The following TSPAN17 variants were observed in gnomAD, a reference collection of about 807,000 sequenced individuals.
TSPAN17 encodes the protein tetraspanin-17.
Under a neutral mutation model 40.5 loss-of-function variants are expected in TSPAN17, and 33 were observed. The ratio of observed to expected loss-of-function variants is 0.81; its 90% CI spans 0.62 to 1.09. The LOEUF (loss-of-function observed/expected upper bound fraction) is 1.09, where lower values mean the gene tolerates loss of function less well. Ranked by LOEUF, TSPAN17 falls within the 50% of genes least tolerant of loss-of-function variation. TSPAN17 has a pLI of 0.00. For synonymous variants in TSPAN17, 166 were observed against 169.4 expected, an observed-to-expected ratio of 0.98 and a Z score of 0.15; for missense variants, 365 against 416.8, an observed-to-expected ratio of 0.88 and a Z score of 1.08.
chr5:176,651,892 C>G lies in TSPAN17; in HGVS notation c.277C>G (p.Leu93Val). 1 of 1,614,002 alleles carries G rather than the reference C, an allele frequency of 6.2e-7. No individual in the cohort carries two copies. Among genetic ancestry groups the G allele is most frequent in the Admixed American group, 1.7e-5 (1 of 60,022 alleles). The stretch of plus-strand genomic sequence containing the variant: ...GGCCCTCCGGGAGAACACCTTCCTG[C>G]TCAAGTTTGTGAGTGCTGCCCTCAA... Reference protein sequence around the residue: ...IGALRENTFLLKFFSVFLGLI... With the variant: ...IGALRENTFLVKFFSVFLGLI... The change falls in exon 3 of 9, where the codon CTC becomes GTC. Residue 93 changes from leucine to valine, a missense_variant. Coordinates refer to ENST00000508164, the MANE Select transcript of TSPAN17 (RefSeq NM_130465.5). The surrounding 1 kb of genome is among the most constrained non-coding windows in gnomAD (Gnocchi z 4.5).
chr5:176,651,562 G>C lies in TSPAN17; in HGVS notation c.88-54G>C. 6.4e-7 allele frequency: 1 copy of C among 1,559,766 alleles called. No individual in the cohort carries two copies. The highest frequency in any genetic ancestry group is 8.7e-7 in the Non-Finnish European group (1 of 1,150,786). ...CCTGGCTACCGGGGAAGGATGAGGG[G>C]GGAGGGTCCTGGGGCTGCTCCCAGC... On this transcript the variant is annotated intron_variant, in intron 1 of 8. Coordinates refer to ENST00000508164, the MANE Select transcript of TSPAN17 (RefSeq NM_130465.5). This position sits in a 1 kb window ranked among gnomAD's most constrained non-coding sequence, Gnocchi z 4.5.
In TSPAN17 at chr5:176,657,289, G is replaced by A. The variant is rs557442582; in HGVS notation, c.810-229G>A. On this transcript the variant is annotated intron_variant, in intron 8 of 8. Coordinates refer to ENST00000508164, the MANE Select transcript of TSPAN17 (RefSeq NM_130465.5). ...TCAGAGGGTGCAGGCCAAGTGGGGT[G>A]GGAGGTGCTGTGTGGAGGGTCCCCC... 167 of 736,432 alleles carry A rather than the reference G, an allele frequency of 2.3e-4. 3 individuals are homozygous for A. In the Middle Eastern group the frequency reaches 4.7e-3, roughly 21 times the overall value. 45.6% of individuals were successfully genotyped at this position (736,432 alleles called of 1,614,324 possible).
In TSPAN17 at chr5:176,655,993, A is replaced by G. The variant is rs577128438; in HGVS notation, c.583-85A>G. ...ACGGGCCCATCTGCGTCCTCTGAGAAGGAAAAGCCACCGCACTGCCCAGGT... is the reference window on the plus strand; with the variant it reads ...ACGGGCCCATCTGCGTCCTCTGAGAGGGAAAAGCCACCGCACTGCCCAGGT... On this transcript the variant is annotated intron_variant, in intron 5 of 8. Coordinates refer to ENST00000508164, the MANE Select transcript of TSPAN17 (RefSeq NM_130465.5). The G allele has an allele frequency of 1.7e-3, 2,171 of 1,300,798 alleles. 4 individuals are homozygous for G. The highest frequency in any genetic ancestry group is 1.7e-3 in the Non-Finnish European group (1,499 of 894,404). The allele number at this position is 1,300,798 out of a possible 1,614,324, so 80.6% of individuals were successfully genotyped here.
chr5:176,657,019 G>GA, intron 8 of TSPAN17, 63 bp downstream of exon 8: 1 of 1,535,526 alleles, frequency 6.5e-7, no homozygotes, highest in Non-Finnish European at 8.9e-7. Context: ...GGGCCCCCCA[G>GA]GACCCTCCTA....
Position 176,658,488 on chromosome 5 carries a change from C to T in TSPAN17, c.*790C>T, listed in dbSNP as rs1300317834. On this transcript the variant is annotated 3_prime_UTR_variant, in exon 9 of 9. Coordinates refer to ENST00000508164, the MANE Select transcript of TSPAN17 (RefSeq NM_130465.5). ...TGTTGTATAAATGGATGAAACAGGCCCTTGAGTTGGGAGCCTGCTTCACTT... is the reference window on the plus strand; with the variant it reads ...TGTTGTATAAATGGATGAAACAGGCTCTTGAGTTGGGAGCCTGCTTCACTT... 1 of 152,214 alleles carries T rather than the reference C, an allele frequency of 6.6e-6. No homozygotes were observed. Among genetic ancestry groups the T allele is most frequent in the Non-Finnish European group, 1.5e-5 (1 of 68,050 alleles). The allele number at this position is 152,214 out of a possible 1,614,324, so 9.4% of individuals were successfully genotyped here. A position where few individuals can be genotyped will look rare whatever the true frequency, so the allele number is the denominator to read the frequency against.
chr5:176,648,428 G>A (rs571061502), intron 1 of TSPAN17, among the ~76,000 whole-genome samples: 1 of 152,336 alleles, frequency 6.6e-6, no homozygotes, highest in Admixed American at 6.5e-5. Flanking sequence ...TCCCAGGGTG[G>A]CATCTGTCCC....
Position 176,657,858 on chromosome 5 carries a change from A to G in TSPAN17, c.*160A>G. On this transcript the variant is annotated 3_prime_UTR_variant, in exon 9 of 9. Transcript: ENST00000508164. The stretch of plus-strand genomic sequence containing the variant: ...CCTAAGTGCCGCCTGACCCTTGTAC[A>G]CTAGGAGCTGGCCTCCCACCTCTGC... 2.3e-6 allele frequency: 3 copies of G among 1,329,054 alleles called. No homozygotes were observed. The highest frequency in any genetic ancestry group is 1.5e-5 in the African/African-American group (1 of 66,760). 82.3% of individuals were successfully genotyped at this position (1,329,054 alleles called of 1,614,324 possible).
rs1761024019 is a variant in TSPAN17, at chr5:176,652,889, C to A, written c.432C>A (p.Asn144Lys). The A allele has an allele frequency of 6.2e-7, 1 of 1,614,176 alleles. No homozygotes were observed. Among genetic ancestry groups the A allele is most frequent in the South Asian group, 1.1e-5 (1 of 91,084 alleles). ...ACCGGGACGACATTGACCTCCAGAA[C>A]CTCATTGACTTTGCTCAGGAATACG... ...KAYRDDIDLQNLIDFAQEYWS... is the reference protein window; with the variant it reads ...KAYRDDIDLQKLIDFAQEYWS... Residue 144 changes from asparagine to lysine, a missense_variant, in exon 4 of 9, where the codon AAC becomes AAA. Transcript: ENST00000508164.
At chr5:176,656,209 GC>G (rs1487243236) in intron 6 of TSPAN17, 84 bp downstream of exon 6, 2 of 1,440,036 alleles carry the variant, frequency 1.4e-6, no homozygotes. Context: ...CCTCTGGAAG[GC>G]CTCAGGGATT....
rs1380669659 is a variant in TSPAN17 at position 176,647,679 on chromosome 5, T to A, written c.64T>A (p.Phe22Ile). The A allele has an allele frequency of 1.2e-6, 2 of 1,601,550 alleles. No individual in the cohort carries two copies. The highest frequency in any genetic ancestry group is 1.7e-6 in the Non-Finnish European group (2 of 1,174,764). ...CGGCTGCTGCGGGAAATACTTCCTGTTTGGCTTCAACATTGTCTTCTGGGT... is the reference window on the plus strand; with the variant it reads ...CGGCTGCTGCGGGAAATACTTCCTGATTGGCTTCAACATTGTCTTCTGGGT... ...EVGCCGKYFL[F>I]GFNIVFWVLG... The change falls in exon 1 of 9, where the codon TTT becomes ATT. Residue 22 changes from phenylalanine to isoleucine, a missense_variant. Phe to Ile is a conservative substitution (Grantham distance 21). Coordinates refer to ENST00000508164, the MANE Select transcript of TSPAN17 (RefSeq NM_130465.5).
At position 176,650,045 on chromosome 5, in the gene TSPAN17, T is replaced by A. The variant is rs374987233; in HGVS notation, c.88-1571T>A. On this transcript the variant is annotated intron_variant, in intron 1 of 8. Coordinates refer to ENST00000508164, the MANE Select transcript of TSPAN17 (RefSeq NM_130465.5). This position sits in a 1 kb window ranked among gnomAD's most constrained non-coding sequence, Gnocchi z 4.0. ...ATCTGAGGTTTCCTTGTCTGCTCAC[T>A]GACTGTCCATCTCCCCTGCTGGAGT... Among the ~76,000 whole-genome samples the A allele has an allele frequency of 2.0e-5, 3 of 152,364 alleles. No individual in the cohort carries two copies. The highest frequency in any genetic ancestry group is 3.9e-4 in the East Asian group (2 of 5,186).
rs777686183 is a variant in TSPAN17, at chr5:176,655,020, G to T, written c.582G>T (p.Ala194=). Residue 194 remains alanine (A), a splice_region_variant and synonymous_variant, in exon 5 of 9, where the codon GCG becomes GCT. Coordinates refer to ENST00000508164, the MANE Select transcript of TSPAN17 (RefSeq NM_130465.5). ...VPFSCCVRDP[A]EDVLNTQCGY... is the part of the protein sequence containing the mutation. ...TCTCCTGCTGCGTCAGGGACCCTGCGGTGAGTGGGGCTGGGGGAGGAGAGG... is the reference window on the plus strand; with the variant it reads ...TCTCCTGCTGCGTCAGGGACCCTGCTGTGAGTGGGGCTGGGGGAGGAGAGG... The T allele has an allele frequency of 5.0e-6, 8 of 1,602,170 alleles. No homozygotes were observed. The highest frequency in any genetic ancestry group is 1.7e-5 in the Admixed American group (1 of 58,380).
At position 176,650,941 on chromosome 5, in the gene TSPAN17, C is replaced by G. The variant is rs1040227999; in HGVS notation, c.88-675C>G. Among the ~76,000 whole-genome samples the G allele has an allele frequency of 6.6e-6, 1 of 152,168 alleles. No homozygotes were observed. Among genetic ancestry groups the G allele is most frequent in the Non-Finnish European group, 1.5e-5 (1 of 68,006 alleles). ...GAAAGCTGAGGATGGAGGAGAGGCA[C>G]TTGGACTGCCCCGGTGGGGAGTCTA... On this transcript the variant is annotated intron_variant, in intron 1 of 8. Coordinates refer to ENST00000508164, the MANE Select transcript of TSPAN17 (RefSeq NM_130465.5). The surrounding 1 kb of genome is among the most constrained non-coding windows in gnomAD (Gnocchi z 4.0).
chr5:176,656,137 A>G lies in TSPAN17; in HGVS notation c.630+12A>G, dbSNP rs1282511128. 1 of 1,613,934 alleles carries G rather than the reference A, an allele frequency of 6.2e-7. No homozygotes were observed. The highest frequency in any genetic ancestry group is 2.2e-5 in the East Asian group (1 of 44,874). Reference sequence around the variant, plus strand: ...TCCGGCTCAAACTGGTGAGAGGGGTAGGAACCGGGCTGGGGCAGGCAGGCA... The same window carrying G: ...TCCGGCTCAAACTGGTGAGAGGGGTGGGAACCGGGCTGGGGCAGGCAGGCA... On this transcript the variant is annotated intron_variant, in intron 6 of 8. Transcript: ENST00000508164.
chr5:176,658,108 C>T lies in TSPAN17; in HGVS notation c.*410C>T, dbSNP rs565552232. The T allele has an allele frequency of 1.3e-4, 21 of 160,362 alleles. No homozygotes were observed. The highest frequency in any genetic ancestry group is 2.4e-4 in the Admixed American group (4 of 16,346). The allele number at this position is 160,362 out of a possible 1,614,324, so 9.9% of individuals were successfully genotyped here. On this transcript the variant is annotated 3_prime_UTR_variant, in exon 9 of 9. Transcript: ENST00000508164. Reference sequence around the variant, plus strand: ...AAGTAGCTGGAAGCCATGGGACTGGCGGGAGCCTGTTTGGGGGATCTGGAT... The same window carrying T: ...AAGTAGCTGGAAGCCATGGGACTGGTGGGAGCCTGTTTGGGGGATCTGGAT...
Position 176,654,050 on chromosome 5 carries a change from C to T in TSPAN17, c.457-845C>T, listed in dbSNP as rs1761062532. 1.3e-5 allele frequency: 2 copies of T among 152,296 alleles called. No homozygotes were observed. The highest frequency in any genetic ancestry group is 2.9e-5 in the Non-Finnish European group (2 of 68,080). 9.4% of individuals were successfully genotyped at this position (152,296 alleles called of 1,614,324 possible). A position where few individuals can be genotyped will look rare whatever the true frequency, so the allele number is the denominator to read the frequency against. ...CTCTGCGTGGAGAGCTTGAAGCCTC[C>T]CAAAGGAGGAGAAGGAAGAGAAGGG... On this transcript the variant is annotated intron_variant, in intron 4 of 8. Coordinates refer to ENST00000508164, the MANE Select transcript of TSPAN17 (RefSeq NM_130465.5). This position sits in a 1 kb window ranked among gnomAD's most constrained non-coding sequence, Gnocchi z 4.3.
chr5:176,652,707 G>A (rs1226439387), intron 3 of TSPAN17, 36 bp from the exon 4 acceptor site: 9 of 1,607,886 alleles, frequency 5.6e-6, no homozygotes, highest in Middle Eastern at 3.4e-4. Flanking sequence ...AGAGCCCTGC[G>A]TTTCCAACCC....
chr5:176,650,689 G>A lies in TSPAN17; in HGVS notation c.88-927G>A, dbSNP rs1760932636. The stretch of plus-strand genomic sequence containing the variant: ...GGGAGCCCACGGTCAGGGAAGGGAA[G>A]GTGATAAAGGCCTTGGCCGTGGCTA... On this transcript the variant is annotated intron_variant, in intron 1 of 8. Transcript: ENST00000508164. The surrounding 1 kb of genome is among the most constrained non-coding windows in gnomAD (Gnocchi z 4.0). Among the ~76,000 whole-genome samples the A allele has an allele frequency of 6.6e-6, 1 of 152,224 alleles. No individual in the cohort carries two copies. The highest frequency in any genetic ancestry group is 2.4e-5 in the African/African-American group (1 of 41,462).
Position 176,651,887 on chromosome 5 carries a change from TC to T in TSPAN17, c.274del (p.Leu92CysfsTer84). 1 of 1,614,028 alleles carries T rather than the reference TC, an allele frequency of 6.2e-7. No individual in the cohort carries two copies. Among genetic ancestry groups the T allele is most frequent in the Non-Finnish European group, 8.5e-7 (1 of 1,180,004 alleles). ...ATTGGGGCCCTCCGGGAGAACACCT[TC>T]CTGCTCAAGTTTGTGAGTGCTGCCC... ...GCIGALRENT[F>X]LLKFFSVFLG... On this transcript the variant is annotated frameshift_variant, in exon 3 of 9. Transcript: ENST00000508164. LOFTEE classifies it high-confidence loss of function. The surrounding 1 kb of genome is among the most constrained non-coding windows in gnomAD (Gnocchi z 4.5).
Sources: gnomAD v4.1 joint callset for allele counts (sites outside exome capture counted in the v4.1 genomes callset) on GRCh38, gnomAD v4.1.1 for gene constraint, Gnocchi (gnomAD v3.1) non-coding constraint, MANE v1.5 for transcripts, NCBI Gene and HGNC (gene_info 2026-07-23, HGNC 2026-07-21) for gene names.